DAPK1: variants seen among roughly 807,000 people sequenced by gnomAD.
The protein encoded by DAPK1 is death associated protein kinase 1, also known as death-associated protein kinase 1.
Under a neutral mutation model 144.9 loss-of-function variants are expected in DAPK1, and 56 were observed. The observed-to-expected ratio is 0.39, with a 90% CI of 0.31 to 0.48. The LOEUF (loss-of-function observed/expected upper bound fraction) is 0.48, where lower values mean the gene tolerates loss of function less well. Ranked by LOEUF, DAPK1 falls within the 20% of genes least tolerant of loss-of-function variation. The probability of loss-of-function intolerance (pLI) is 0.95; values close to 1 mark genes in which losing one functional copy is unlikely to be tolerated. For synonymous variants in DAPK1, 690 were observed against 749.0 expected, an observed-to-expected ratio of 0.92 and a Z score of 1.29; for missense variants, 1,454 against 1,875.4, an observed-to-expected ratio of 0.78 and a Z score of 4.15.
chr9:87,646,113 C>A, intron 12 of DAPK1, 99 bp downstream of exon 12: 1 of 1,404,984 alleles, frequency 7.1e-7, no homozygotes, highest in Non-Finnish European at 9.7e-7. Context: ...ATTCTCCCTT[C>A]CAATTGGAAG....
At chr9:87,518,626 G>A (rs1248259788) in intron 2 of DAPK1, among the ~76,000 whole-genome samples, 2 of 152,122 alleles carry the variant, frequency 1.3e-5, no homozygotes, top group African/African-American at 4.8e-5. Context: ...TATGCCAAAT[G>A]TCTTTTTAGC....
intron 2 of DAPK1, among the ~76,000 whole-genome samples, chr9:87,516,227 C>T (rs1325555511): frequency 6.6e-6 from 1 of 152,172 alleles, no homozygotes; most frequent in African/African-American, 2.4e-5. Flanking sequence ...CCTTGTGTCT[C>T]TACTGGATTC....
Position 87,581,995 on chromosome 9 carries a change from C to T in DAPK1, c.63-22959C>T, listed in dbSNP as rs78737068. ...AGTTTGGTGCTCTACAAAAAATAAC[C>T]AAGGTTTAAAAAGAAAACAAATCCA... On this transcript the variant is annotated intron_variant, in intron 2 of 25. Transcript: ENST00000408954. Among the ~76,000 whole-genome samples, 160 of 152,120 alleles carry T rather than the reference C, an allele frequency of 1.1e-3. 2 individuals carry two copies. The East Asian group carries it at 0.027, about 26-fold the overall frequency.
At chr9:87,610,388 CA>C (rs1304720329) in intron 3 of DAPK1, among the ~76,000 whole-genome samples, 1 of 152,256 alleles carries the variant, frequency 6.6e-6, no homozygotes, top group East Asian at 1.9e-4. Flanking sequence ...ACAAAACTTT[CA>C]CCTTCAGTGC....
intron 2 of DAPK1, among the ~76,000 whole-genome samples, chr9:87,513,276 T>A (rs1824920128): frequency 6.6e-6 from 1 of 152,270 alleles, no homozygotes. Context: ...CTCAGCAAGC[T>A]TCTAGTCATG....
Position 87,706,163 on chromosome 9 carries a change from A to T in DAPK1, c.3092A>T (p.Asp1031Val), listed in dbSNP as rs775485042. The change falls in exon 26 of 26, where the codon GAC becomes GTC. Residue 1031 changes from aspartate to valine, a missense_variant. Coordinates refer to ENST00000408954, the MANE Select transcript of DAPK1 (RefSeq NM_004938.4). The surrounding 1 kb of genome is among the most constrained non-coding windows in gnomAD (Gnocchi z 9.0). ...ATCATGCAAAGTGAAACAGTTCAGGACGTGCTGCTCCTGGACCCCCGCTGG... is the reference window on the plus strand; with the variant it reads ...ATCATGCAAAGTGAAACAGTTCAGGTCGTGCTGCTCCTGGACCCCCGCTGG... ...INIMQSETVQ[D>V]VLLLDPRWLC... 6.2e-7 allele frequency: 1 copy of T among 1,607,366 alleles called. No homozygotes were observed. The highest frequency in any genetic ancestry group is 2.2e-5 in the East Asian group (1 of 44,658).
intron 2 of DAPK1, among the ~76,000 whole-genome samples, chr9:87,551,112 T>G (rs1587709871): frequency 6.6e-6 from 1 of 152,044 alleles, no homozygotes; most frequent in East Asian, 1.9e-4. Context: ...AGATCCTGCT[T>G]CTTAAAACTG....
At chr9:87,520,162 A>G (rs756722985) in intron 2 of DAPK1, among the ~76,000 whole-genome samples, 1 of 152,206 alleles carries the variant, frequency 6.6e-6, no homozygotes, top group Non-Finnish European at 1.5e-5. Flanking sequence ...GGATTTAATT[A>G]TGGCTTAAAA....
At chr9:87,620,757 A>G (rs1829267082) in intron 3 of DAPK1, among the ~76,000 whole-genome samples, 1 of 152,040 alleles carries the variant, frequency 6.6e-6, no homozygotes, top group Non-Finnish European at 1.5e-5. Context: ...CTTGTTTTCA[A>G]CTAGCCCAGG....
chr9:87,657,988 C>T (rs915865340), intron 17 of DAPK1, 41 bp from the exon 18 acceptor site: 21 of 778,000 alleles, frequency 2.7e-5, no homozygotes, highest in South Asian at 4.3e-5. Context: ...TCAGCAACTG[C>T]GTGAGAAGAA....
Position 87,644,406 on chromosome 9 carries a change from A to G in DAPK1, c.1011+938A>G, listed in dbSNP as rs540349687. On this transcript the variant is annotated intron_variant, in intron 11 of 25. Transcript: ENST00000408954. ...ACCCTGCCCCTTTAACTGAATAGTC[A>G]GCATTTTCCCGGTGGAGCCAAGTAC... 5.9e-5 allele frequency among the ~76,000 whole-genome samples: 9 copies of G among 152,168 alleles called. No homozygotes were observed. The East Asian group carries it at 1.7e-3, about 30-fold the overall frequency.
At chr9:87,640,709 G>A in intron 8 of DAPK1, 93 bp from the exon 9 acceptor site, 1 of 1,355,936 alleles carries the variant, frequency 7.4e-7, no homozygotes, top group Non-Finnish European at 1.1e-6. Flanking sequence ...ATTTTCCACA[G>A]TATCTGCTTG....
chr9:87,551,444 C>T (rs1214945651), intron 2 of DAPK1, among the ~76,000 whole-genome samples: 1 of 152,176 alleles, frequency 6.6e-6, no homozygotes, highest in Non-Finnish European at 1.5e-5. Context: ...CCGTGCGCAG[C>T]CTGTTAATTT....
intron 3 of DAPK1, among the ~76,000 whole-genome samples, chr9:87,619,855 C>T (rs1051112984): frequency 2.6e-5 from 4 of 152,162 alleles, no homozygotes; most frequent in Admixed American, 2.6e-4. Context: ...ATGCCCATCA[C>T]GTAACAGCTG....
chr9:87,679,039 C>T (rs1166157799), intron 19 of DAPK1, among the ~76,000 whole-genome samples: 4 of 152,012 alleles, frequency 2.6e-5, no homozygotes, highest in Non-Finnish European at 2.9e-5. Context: ...AGTAAGTGAG[C>T]GCCTCCCAGG....
chr9:87,559,891 CT>C (rs1587718474), intron 2 of DAPK1, among the ~76,000 whole-genome samples: 1 of 152,236 alleles, frequency 6.6e-6, no homozygotes, highest in East Asian at 1.9e-4. Flanking sequence ...TTCATGCCCC[CT>C]ATCTTGCCCT....
intron 2 of DAPK1, among the ~76,000 whole-genome samples, chr9:87,545,772 T>C (rs1826229590): frequency 1.3e-5 from 2 of 152,034 alleles, no homozygotes; most frequent in Non-Finnish European, 2.9e-5. Flanking sequence ...CTCGAACTCC[T>C]GACCTCAGGT....
chr9:87,572,656 T>C (rs1827401263), intron 2 of DAPK1, among the ~76,000 whole-genome samples: 1 of 152,130 alleles, frequency 6.6e-6, no homozygotes, highest in African/African-American at 2.4e-5. Context: ...GTGAAGTGCC[T>C]GCTCCTACTT....
rs773787953 is a variant in DAPK1, at chr9:87,705,983, G to A, written c.3061-149G>A. 153 of 564,278 alleles carry A rather than the reference G, an allele frequency of 2.7e-4. 1 individual carries two copies. Among genetic ancestry groups the A allele is most frequent in the Non-Finnish European group, 4.4e-4 (139 of 316,670 alleles). The allele number at this position is 564,278 out of a possible 1,614,324, so 35.0% of individuals were successfully genotyped here. A position where few individuals can be genotyped will look rare whatever the true frequency, so the allele number is the denominator to read the frequency against. ...TCTCCACTCGGTGTTTGGTTTTTGAGACGCATCCACGTGGAATGGCCTTGG... is the reference window on the plus strand; with the variant it reads ...TCTCCACTCGGTGTTTGGTTTTTGAAACGCATCCACGTGGAATGGCCTTGG... On this transcript the variant is annotated intron_variant, in intron 25 of 25. Transcript: ENST00000408954.
Sources: gnomAD v4.1 joint callset for allele counts (sites outside exome capture counted in the v4.1 genomes callset) on GRCh38, gnomAD v4.1.1 for gene constraint, Gnocchi (gnomAD v3.1) non-coding constraint, MANE v1.5 for transcripts, NCBI Gene and HGNC (gene_info 2026-07-23, HGNC 2026-07-21) for gene names.